TBC1D19: variants seen among roughly 807,000 people sequenced by gnomAD.
TBC1D19 encodes the protein TBC1 domain family, member 19.
A neutral mutation model predicts 89.0 loss-of-function variants in TBC1D19; 60 were observed. The observed-to-expected ratio is 0.67, with a 90% CI of 0.55 to 0.84. The LOEUF is 0.84. TBC1D19 is among the 40% of genes least tolerant of loss of function. TBC1D19 has a pLI of 0.00. For missense variants in TBC1D19, 500 were observed against 610.8 expected (o/e 0.82, Z 1.91); for synonymous variants, 189 against 199.7 (o/e 0.95, Z 0.45).
the TBC1D19 span, among the ~76,000 whole-genome samples, chr4:26,775,708 G>A: frequency 3.9e-5 from 6 of 152,080 alleles, no homozygotes; most frequent in African/African-American, 7.2e-5. Context: ...CCAGTCTCAG[G>A]TATCCTGTTA....
At chr4:26,768,549 A>G in the TBC1D19 span, among the ~76,000 whole-genome samples, 52,179 of 152,056 alleles carry the variant, frequency 0.34, 10,045 homozygotes, top group Non-Finnish European at 0.44. Context: ...GATAGAATGT[A>G]TAAGCAAGAA....
chr4:26,783,470 A>G, the TBC1D19 span, among the ~76,000 whole-genome samples: 1 of 152,230 alleles, frequency 6.6e-6, no homozygotes, highest in Admixed American at 6.5e-5. Context: ...TTCAGATTGA[A>G]GGTCTCCTGA....
At chr4:26,693,076 A>G (rs530474231) in intron 13 of TBC1D19, among the ~76,000 whole-genome samples, 1 of 151,334 alleles carries the variant, frequency 6.6e-6, no homozygotes, top group Admixed American at 6.6e-5. Flanking sequence ...CAGTGAGCCA[A>G]GATTGCACCA....
At chr4:26,650,113 T>C (rs1399391797) in intron 7 of TBC1D19, among the ~76,000 whole-genome samples, 2 of 152,122 alleles carry the variant, frequency 1.3e-5, no homozygotes, top group East Asian at 3.8e-4. Context: ...AGACTACCAT[T>C]GTTGGACATT....
the TBC1D19 span, among the ~76,000 whole-genome samples, chr4:26,837,507 C>T: frequency 3.0e-4 from 46 of 152,268 alleles, no homozygotes; most frequent in Admixed American, 9.8e-4. Context: ...ATGAAAGTGG[C>T]TTGAAAGCTG....
chr4:26,747,479 G>A (rs1216085486), intron 18 of TBC1D19, among the ~76,000 whole-genome samples: 1 of 152,134 alleles, frequency 6.6e-6, no homozygotes, highest in Non-Finnish European at 1.5e-5. Flanking sequence ...GAAACTTGAG[G>A]ATCTTTTTCA....
intron 13 of TBC1D19, among the ~76,000 whole-genome samples, chr4:26,713,542 A>T (rs182369922): frequency 1.5e-3 from 229 of 152,216 alleles, no homozygotes; most frequent in African/African-American, 5.2e-3. Context: ...AATAACAGAA[A>T]GGACACAACA....
downstream of TBC1D19, among the ~76,000 whole-genome samples, chr4:26,760,025 A>T (rs1030966416): frequency 7.2e-5 from 11 of 152,186 alleles, no homozygotes; most frequent in Admixed American, 5.2e-4. Context: ...ACTTAGAAGG[A>T]GGCCTCCAAA....
intron 1 of TBC1D19, among the ~76,000 whole-genome samples, chr4:26,577,562 A>G (rs2109917750): frequency 6.6e-6 from 1 of 152,344 alleles, no homozygotes; most frequent in East Asian, 1.9e-4. Context: ...TAGGTACTAG[A>G]CAGGTTGGGT....
rs1403053799 is a variant in TBC1D19 at position 26,756,026 on chromosome 4, C to T, written c.*1079C>T. Among the ~76,000 whole-genome samples the T allele has an allele frequency of 6.6e-6, 1 of 152,176 alleles. No homozygotes were observed. Among genetic ancestry groups the T allele is most frequent in the Non-Finnish European group, 1.5e-5 (1 of 68,034 alleles). On this transcript the variant is annotated 3_prime_UTR_variant, in exon 21 of 21. Transcript: ENST00000264866. ...CAAATTTAAGATGCTGATCACTTCA[C>T]TAAAACTGTAAATCAGTAGATTGAT...
At chr4:26,613,271 C>T (rs768242187) in intron 2 of TBC1D19, 30 bp downstream of exon 2, 2 of 1,351,436 alleles carry the variant, frequency 1.5e-6, no homozygotes, top group Non-Finnish European at 2.0e-6. Flanking sequence ...TAACTTAAGG[C>T]AAAATAAGAA....
chr4:26,851,323 A>ATCTGTCTGTCTGTCTG, the TBC1D19 span, among the ~76,000 whole-genome samples: 4 of 141,294 alleles, frequency 2.8e-5, no homozygotes, highest in African/African-American at 9.4e-5. Flanking sequence ...CTATCTATCT[A>ATCTGTCTGTCTGTCTG]TCTATCTATC....
At chr4:26,791,128 C>T in the TBC1D19 span, among the ~76,000 whole-genome samples, 18 of 152,274 alleles carry the variant, frequency 1.2e-4, no homozygotes, top group Middle Eastern at 3.4e-3. Context: ...AGAACAACTG[C>T]TCTAAAACTC....
the TBC1D19 span, among the ~76,000 whole-genome samples, chr4:26,777,012 T>C: frequency 6.6e-6 from 1 of 152,216 alleles, no homozygotes; most frequent in African/African-American, 2.4e-5. Context: ...TGTTGAATTA[T>C]AGCTTGTAGA....
chr4:26,758,291 G>A (rs898090289), downstream of TBC1D19, among the ~76,000 whole-genome samples: 2 of 152,204 alleles, frequency 1.3e-5, no homozygotes, highest in Admixed American at 1.3e-4. Flanking sequence ...GATGCAAGCA[G>A]AAATTTGTCC....
At chr4:26,654,561 C>A (rs183386652) in intron 7 of TBC1D19, among the ~76,000 whole-genome samples, 5 of 152,248 alleles carry the variant, frequency 3.3e-5, no homozygotes, top group African/African-American at 9.6e-5. Context: ...TTCTTGGAGG[C>A]TTTGTTGACA....
intron 11 of TBC1D19, among the ~76,000 whole-genome samples, chr4:26,676,816 C>T (rs1712852019): frequency 6.6e-6 from 1 of 151,776 alleles, no homozygotes; most frequent in Non-Finnish European, 1.5e-5. Context: ...GCTTTTGTGA[C>T]ACAGTGCTCT....
At chr4:26,808,226 A>G in the TBC1D19 span, among the ~76,000 whole-genome samples, 1 of 152,212 alleles carries the variant, frequency 6.6e-6, no homozygotes, top group Non-Finnish European at 1.5e-5. Flanking sequence ...GCAGAAGAAT[A>G]TGGAATGTGG....
At chr4:26,703,204 C>G (rs913799112) in intron 13 of TBC1D19, among the ~76,000 whole-genome samples, 6 of 152,010 alleles carry the variant, frequency 3.9e-5, no homozygotes, top group Admixed American at 1.3e-4. Flanking sequence ...ATAAATTTTC[C>G]TTATATGGAT....
Sources: allele counts gnomAD v4.1 joint callset (sites outside exome capture counted in the v4.1 genomes callset), GRCh38; gene constraint gnomAD v4.1.1; transcripts MANE v1.5; gene names NCBI Gene and HGNC (gene_info 2026-07-23, HGNC 2026-07-21).